FRMD5: variants seen among roughly 807,000 people sequenced by gnomAD.
The protein encoded by FRMD5 is FERM domain-containing protein 5.
A neutral mutation model predicts 69.0 loss-of-function variants in FRMD5; 20 were observed. The ratio of observed to expected loss-of-function variants is 0.29; its 90% CI spans 0.20 to 0.42. The LOEUF is 0.42. Among genes scored for constraint, FRMD5 ranks in the 10% least tolerant of loss-of-function variants. The probability of loss-of-function intolerance (pLI) is 1.00; values close to 1 mark genes in which losing one functional copy is unlikely to be tolerated. For missense variants in FRMD5, 595 were observed against 708.6 expected (o/e 0.84, Z 1.82); for synonymous variants, 271 against 260.1 (o/e 1.04, Z -0.40).
At chr15:44,190,025 C>A (rs1053135219) in intron 1 of FRMD5, among the ~76,000 whole-genome samples, 1 of 152,176 alleles carries the variant, frequency 6.6e-6, no homozygotes, top group African/African-American at 2.4e-5. Flanking sequence ...GACCAGAAAA[C>A]AGGGGCAACA....
At position 43,937,079 on chromosome 15, in the gene FRMD5, A is replaced by C. The variant is rs371788388; in HGVS notation, c.103-12770T>G. ...CTTGGGGTCATGTGGAGCAGGATTT[A>C]GGATGTTTTTAACTTTTGGAAATTA... On this transcript the variant is annotated intron_variant, in intron 1 of 13. Transcript: ENST00000417257. 5.3e-5 allele frequency among the ~76,000 whole-genome samples: 8 copies of C among 152,366 alleles called. No homozygotes were observed. In the East Asian group the frequency reaches 9.6e-4, roughly 18 times the overall value.
intron 1 of FRMD5, among the ~76,000 whole-genome samples, chr15:43,972,759 G>C (rs2929280): frequency 0.92 from 140,827 of 152,268 alleles, 65,444 homozygotes; most frequent in East Asian, 1. Flanking sequence ...CACCTTTGAA[G>C]AGTTTTGTGG....
Position 43,986,697 on chromosome 15 carries a change from A to AGTAC in FRMD5, c.103-62392_103-62389dup, listed in dbSNP as rs1889409950. On this transcript the variant is annotated intron_variant, in intron 1 of 13. Transcript: ENST00000417257. ...TAAACTATATGACAAAAAGGAGGCA[A>AGTAC]GTACTGTTAAAGTACTTGGGATTTT... is the stretch of plus-strand genomic sequence containing the variant. 2.1e-5 allele frequency among the ~76,000 whole-genome samples: 3 copies of AGTAC among 143,004 alleles called. No individual in the cohort carries two copies. The South Asian group carries it at 7.1e-4, about 34-fold the overall frequency. 93.8% of individuals were successfully genotyped at this position (143,004 alleles called of 152,430 possible). A position where few individuals can be genotyped will look rare whatever the true frequency, so the allele number is the denominator to read the frequency against.
chr15:44,154,182 G>T (rs2077490492), intron 1 of FRMD5, among the ~76,000 whole-genome samples: 1 of 152,016 alleles, frequency 6.6e-6, no homozygotes, highest in African/African-American at 2.4e-5. Flanking sequence ...AATTAACTGG[G>T]TTTGGTGGTG....
intron 1 of FRMD5, among the ~76,000 whole-genome samples, chr15:43,981,754 C>T (rs929430775): frequency 1.3e-5 from 2 of 152,224 alleles, no homozygotes; most frequent in African/African-American, 4.8e-5. Flanking sequence ...GCTTCTTCTA[C>T]ATCTTCTTCC....
chr15:43,954,965 T>A (rs2090091582), intron 1 of FRMD5, among the ~76,000 whole-genome samples: 1 of 152,228 alleles, frequency 6.6e-6, no homozygotes, highest in Non-Finnish European at 1.5e-5. Context: ...AAAGGGAGTA[T>A]GCCTCCTGTT....
At chr15:43,899,663 C>A (rs2088997749) in intron 7 of FRMD5, among the ~76,000 whole-genome samples, 1 of 152,226 alleles carries the variant, frequency 6.6e-6, no homozygotes, top group African/African-American at 2.4e-5. Flanking sequence ...TCCCTCTTTC[C>A]TTCCAGGAGT....
At chr15:44,057,396 A>G (rs114593346) in intron 1 of FRMD5, among the ~76,000 whole-genome samples, 1 of 152,104 alleles carries the variant, frequency 6.6e-6, no homozygotes, top group African/African-American at 2.4e-5. Flanking sequence ...GTGAGCCACC[A>G]CGCCTGGCTG....
At chr15:43,915,341 T>A (rs1317563344) in intron 4 of FRMD5, among the ~76,000 whole-genome samples, 3 of 152,192 alleles carry the variant, frequency 2.0e-5, no homozygotes, top group African/African-American at 7.2e-5. Flanking sequence ...ATTTGGCCCT[T>A]TACAGAAAAA....
intron 1 of FRMD5, among the ~76,000 whole-genome samples, chr15:44,187,528 T>C (rs904723805): frequency 6.6e-6 from 1 of 151,864 alleles, no homozygotes; most frequent in South Asian, 2.1e-4. Context: ...CAGCCTCTAA[T>C]GCTCTTTACG....
chr15:44,059,111 A>G (rs965997302), intron 1 of FRMD5, among the ~76,000 whole-genome samples: 1 of 152,204 alleles, frequency 6.6e-6, no homozygotes, highest in African/African-American at 2.4e-5. Context: ...AGAACCCTCA[A>G]CTAGCATCAA....
intron 1 of FRMD5, among the ~76,000 whole-genome samples, chr15:44,059,264 C>T (rs1283856188): frequency 6.6e-6 from 1 of 151,934 alleles, no homozygotes; most frequent in African/African-American, 2.4e-5. Flanking sequence ...AGATTCCCAC[C>T]CCCTCCTCGA....
At chr15:44,127,549 G>A (rs1313082543) in intron 1 of FRMD5, among the ~76,000 whole-genome samples, 1 of 151,988 alleles carries the variant, frequency 6.6e-6, no homozygotes, top group East Asian at 1.9e-4. Context: ...ATTGCTCTTG[G>A]CTCTCCTTTC....
rs3830285 is a variant in FRMD5, at chr15:43,873,344, A to AAAACAAAC, written c.*533_*540dup. 11 of 1,477,012 alleles carry AAAACAAAC rather than the reference A, an allele frequency of 7.4e-6. No homozygotes were observed. The African/African-American group carries it at 1.3e-4, about 17-fold the overall frequency. 91.5% of individuals were successfully genotyped at this position (1,477,012 alleles called of 1,614,324 possible). A position where few individuals can be genotyped will look rare whatever the true frequency, so the allele number is the denominator to read the frequency against. On this transcript the variant is annotated 3_prime_UTR_variant, in exon 14 of 14. Coordinates refer to ENST00000417257, the MANE Select transcript of FRMD5 (RefSeq NM_032892.5). Reference sequence around the variant, plus strand: ...TTTTTAAAAGTTCTGGCTGGCAAAAAAAACAAACAAAAAACTAAACAGTCC... The same window carrying AAAACAAAC: ...TTTTTAAAAGTTCTGGCTGGCAAAAAAAACAAACAAACAAACAAAAAACTAAACAGTCC...
At chr15:44,183,939 G>A (rs1159262295) in intron 1 of FRMD5, among the ~76,000 whole-genome samples, 1 of 150,158 alleles carries the variant, frequency 6.7e-6, no homozygotes, top group Non-Finnish European at 1.5e-5. Flanking sequence ...TCAAGATTGC[G>A]CCACTGCAGC....
chr15:44,091,361 C>T (rs560903655), intron 1 of FRMD5, among the ~76,000 whole-genome samples: 10 of 152,168 alleles, frequency 6.6e-5, no homozygotes, highest in East Asian at 3.9e-4. Context: ...CACACACACA[C>T]GCACATGCAC....
At chr15:44,062,689 CAAAAAA>C (rs35998128) in intron 1 of FRMD5, among the ~76,000 whole-genome samples, 4 of 118,120 alleles carry the variant, frequency 3.4e-5, no homozygotes, top group Admixed American at 2.7e-4. Context: ...GACTCTGTCT[CAAAAAA>C]AAAAAAAAAA....
intron 1 of FRMD5, chr15:43,989,303 C>T: frequency 1.3e-6 from 1 of 785,470 alleles, no homozygotes; most frequent in South Asian, 1.3e-5. Flanking sequence ...ACTGTGTTGG[C>T]ATACGGGTCT....
chr15:43,985,346 T>C (rs1889346442), intron 1 of FRMD5, among the ~76,000 whole-genome samples: 1 of 150,776 alleles, frequency 6.6e-6, no homozygotes, highest in Admixed American at 6.6e-5. Context: ...CCTACTCTGC[T>C]TGTAACTGGG....
Sources: allele counts gnomAD v4.1 joint callset (sites outside exome capture counted in the v4.1 genomes callset), GRCh38; gene constraint gnomAD v4.1.1; transcripts MANE v1.5; gene names NCBI Gene and HGNC (gene_info 2026-07-23, HGNC 2026-07-21).